CPNE2: variants seen among roughly 807,000 people sequenced by gnomAD.
CPNE2 encodes the protein copine-2.
In CPNE2, 42 loss-of-function variants were observed where a neutral mutation model predicts 69.7. The ratio of observed to expected loss-of-function variants is 0.60; its 90% confidence interval spans 0.47 to 0.78. CPNE2 has a LOEUF of 0.78. Among genes scored for constraint, CPNE2 ranks in the 30% least tolerant of loss-of-function variants. The pLI is 0.00. For missense variants in CPNE2, 587 were observed against 732.0 expected, an observed-to-expected ratio of 0.80 and a Z score of 2.29; for synonymous variants, 294 against 289.8, an observed-to-expected ratio of 1.01 and a Z score of -0.15.
At chr16:57,123,157 G>A (rs1443614453) in intron 9 of CPNE2, 3 of 529,318 alleles carry the variant, frequency 5.7e-6, no homozygotes, top group African/African-American at 1.9e-5. Flanking sequence ...ACTGGGCCCT[G>A]GCACCCTGCC....
At chr16:57,139,855 C>T (rs111343213) in intron 14 of CPNE2, among the ~76,000 whole-genome samples, 6,236 of 151,978 alleles carry the variant, frequency 0.041, 138 homozygotes, top group Middle Eastern at 0.13. Context: ...GGGCAAGTCA[C>T]GTCACCTTAG....
rs375162773 is a variant in CPNE2, at chr16:57,106,455, A to T, written c.-35-4253A>T. Among the ~76,000 whole-genome samples the T allele has an allele frequency of 2.7e-4, 41 of 152,300 alleles. No homozygotes were observed. In the South Asian group the frequency reaches 8.3e-3, roughly 31 times the overall value. ...GGGCGGGGGTAGGGTAGTGATGGGG[A>T]CAGAAGGAGGTGACCCCAGAGTGTT... On this transcript the variant is annotated intron_variant, in intron 1 of 15. Coordinates refer to ENST00000290776, the MANE Select transcript of CPNE2 (RefSeq NM_152727.6).
chr16:57,111,564 C>T (rs1253806171), intron 2 of CPNE2, among the ~76,000 whole-genome samples: 1 of 152,248 alleles, frequency 6.6e-6, no homozygotes, highest in African/African-American at 2.4e-5. Flanking sequence ...TAAATGAACA[C>T]ATGGTCAGTA....
At position 57,130,434 on chromosome 16, in the gene CPNE2, A is replaced by G. The variant is rs1394077068; in HGVS notation, c.1116+2531A>G. ...TGAGAGAGCCAGGCAGATGAAGCGGAGACTGAGCCCGGGGGCAGAGCAGGG... is the reference window on the plus strand; with the variant it reads ...TGAGAGAGCCAGGCAGATGAAGCGGGGACTGAGCCCGGGGGCAGAGCAGGG... On this transcript the variant is annotated intron_variant, in intron 12 of 15. Transcript: ENST00000290776. The surrounding 1 kb of genome is among the most constrained non-coding windows in gnomAD (Gnocchi z 4.1). Among the ~76,000 whole-genome samples the G allele has an allele frequency of 6.6e-6, 1 of 152,120 alleles. No homozygotes were observed. Among genetic ancestry groups the G allele is most frequent in the Non-Finnish European group, 1.5e-5 (1 of 68,028 alleles).
chr16:57,098,305 G>A (rs1425167788), intron 1 of CPNE2, among the ~76,000 whole-genome samples: 2 of 152,204 alleles, frequency 1.3e-5, no homozygotes, highest in African/African-American at 2.4e-5. Flanking sequence ...GTTGGAGTGT[G>A]GTGTCTTTGG....
At chr16:57,127,106 G>A (rs532581674) in intron 11 of CPNE2, among the ~76,000 whole-genome samples, 18 of 152,316 alleles carry the variant, frequency 1.2e-4, no homozygotes, top group African/African-American at 4.1e-4. Flanking sequence ...GGAAGAAATC[G>A]TCGGAGTTCT....
At chr16:57,111,182 CTTT>C (rs5817089) in intron 2 of CPNE2, among the ~76,000 whole-genome samples, 28 of 138,126 alleles carry the variant, frequency 2.0e-4, no homozygotes, top group Admixed American at 4.9e-4. Context: ...TATTTGATAT[CTTT>C]TTTTTTTTTT....
At chr16:57,140,056 C>T (rs966372782) in intron 14 of CPNE2, among the ~76,000 whole-genome samples, 7 of 152,160 alleles carry the variant, frequency 4.6e-5, no homozygotes, top group African/African-American at 9.7e-5. Context: ...AGGCAGCACC[C>T]GGCCAGAAGG....
Position 57,146,210 on chromosome 16 carries a change from C to T in CPNE2, c.1428C>T (p.Asp476=). ...SIIIVGVGNA[D]FAAMEFLDGD... is the part of the protein sequence containing the mutation. ...TCATCGTGGGCGTGGGCAATGCGGA[C>T]TTCGCTGCCATGGAGTTCCTGGATG... Residue 476 remains aspartate (D), a synonymous_variant, in exon 15 of 16, where the codon GAC becomes GAT. Transcript: ENST00000290776. The surrounding 1 kb of genome is among the most constrained non-coding windows in gnomAD (Gnocchi z 4.4). 6.4e-7 allele frequency: 1 copy of T among 1,568,576 alleles called. No individual in the cohort carries two copies. The highest frequency in any genetic ancestry group is 1.7e-4 in the Middle Eastern group (1 of 6,012).
At chr16:57,097,077 T>TG (rs1238822706) in intron 1 of CPNE2, among the ~76,000 whole-genome samples, 2 of 152,202 alleles carry the variant, frequency 1.3e-5, no homozygotes, top group African/African-American at 4.8e-5. Context: ...CAGCTATGGC[T>TG]GGGATACAGC....
chr16:57,109,188 G>T (rs1405949736), intron 1 of CPNE2, among the ~76,000 whole-genome samples: 5 of 152,036 alleles, frequency 3.3e-5, no homozygotes, highest in African/African-American at 1.2e-4. Flanking sequence ...AGAAAGTAAA[G>T]GAATAGCCAG....
intron 13 of CPNE2, among the ~76,000 whole-genome samples, chr16:57,135,490 G>A (rs952546845): frequency 2.0e-5 from 3 of 152,144 alleles, no homozygotes; most frequent in Admixed American, 2.0e-4. Context: ...GCAATAGAGG[G>A]AGACCCCATT....
intron 12 of CPNE2, among the ~76,000 whole-genome samples, chr16:57,131,097 G>T (rs1267276377): frequency 3.9e-5 from 6 of 152,174 alleles, no homozygotes; most frequent in Admixed American, 2.0e-4. Flanking sequence ...ATAAACTGAG[G>T]CTTGGAGCCT....
At chr16:57,131,587 A>C (rs1438313832) in intron 12 of CPNE2, among the ~76,000 whole-genome samples, 1 of 152,244 alleles carries the variant, frequency 6.6e-6, no homozygotes, top group Non-Finnish European at 1.5e-5. Flanking sequence ...TGTAAATGTC[A>C]CAGGGCGATG....
At chr16:57,128,882 A>G (rs1419491635) in intron 12 of CPNE2, among the ~76,000 whole-genome samples, 3 of 152,150 alleles carry the variant, frequency 2.0e-5, no homozygotes, top group Non-Finnish European at 4.4e-5. Context: ...TTTCTGAGTC[A>G]TAGTGGGCAT....
intron 11 of CPNE2, among the ~76,000 whole-genome samples, chr16:57,127,284 G>A (rs1413834362): frequency 2.0e-5 from 3 of 152,194 alleles, no homozygotes; most frequent in Non-Finnish European, 4.4e-5. Context: ...ACAGATGGGG[G>A]CACAACAGCA....
intron 5 of CPNE2, among the ~76,000 whole-genome samples, chr16:57,118,266 T>C (rs1465708839): frequency 1.3e-5 from 2 of 150,862 alleles, no homozygotes; most frequent in Admixed American, 6.6e-5. Context: ...CCTGAGTTCA[T>C]GCCATTCTCC....
At position 57,123,491 on chromosome 16, in the gene CPNE2, G is replaced by C. The variant is rs1167477252; in HGVS notation, c.927+18G>C. 6.2e-7 allele frequency: 1 copy of C among 1,612,226 alleles called. No homozygotes were observed. ...TGTTCACCGTAAGGCTCTCCCCGCT[G>C]GCTCCCTCTGCACCCCCATCCCAGT... On this transcript the variant is annotated intron_variant, in intron 10 of 15. Transcript: ENST00000290776.
intron 10 of CPNE2, chr16:57,124,766 G>A: frequency 4.3e-6 from 1 of 230,720 alleles, no homozygotes; most frequent in South Asian, 5.5e-5. Context: ...AGATCCTAAT[G>A]GGAAATGGAG....
Sources: allele counts gnomAD v4.1 joint callset (sites outside exome capture counted in the v4.1 genomes callset), GRCh38; gene constraint gnomAD v4.1.1; non-coding constraint Gnocchi (gnomAD v3.1); transcripts MANE v1.5; gene names NCBI Gene and HGNC (gene_info 2026-07-23, HGNC 2026-07-21).